Variants in CRHBP observed in about 807,000 individuals in gnomAD.
The protein encoded by CRHBP is corticotropin-releasing hormone-binding protein.
Under a neutral mutation model 34.9 loss-of-function variants are expected in CRHBP, and 19 were observed. That is an observed-to-expected ratio of 0.55 (90% CI 0.38 to 0.80). CRHBP has a LOEUF of 0.80. CRHBP is among the 30% of genes least tolerant of loss of function. The pLI is 0.00. For missense variants in CRHBP, 328 were observed against 409.2 expected, an observed-to-expected ratio of 0.80 and a Z score of 1.71; for synonymous variants, 154 against 153.4, an observed-to-expected ratio of 1.00 and a Z score of -0.03.
chr5:76,953,995 C>T (rs1745622318), intron 2 of CRHBP, 34 bp from the exon 3 acceptor site: 1 of 1,588,260 alleles, frequency 6.3e-7, no homozygotes, highest in Non-Finnish European at 8.6e-7. Context: ...CGGCTGCAGC[C>T]CGGGACTTAT....
At chr5:76,963,879 T>A (rs1745821020) in intron 6 of CRHBP, among the ~76,000 whole-genome samples, 2 of 152,222 alleles carry the variant, frequency 1.3e-5, no homozygotes, top group South Asian at 4.1e-4. Context: ...TATGTGTGTG[T>A]GTTACTCATA....
intron 6 of CRHBP, among the ~76,000 whole-genome samples, 195 bp from the exon 7 acceptor site, chr5:76,968,533 T>G (rs1422655303): frequency 6.6e-6 from 1 of 152,232 alleles, no homozygotes; most frequent in Non-Finnish European, 1.5e-5. Context: ...TCAATTGCAC[T>G]ATTCTATAAC....
chr5:76,973,475 C>T (rs546974934), downstream of CRHBP, among the ~76,000 whole-genome samples: 3 of 152,200 alleles, frequency 2.0e-5, no homozygotes, highest in Admixed American at 6.5e-5. Flanking sequence ...GTTCACAAAC[C>T]CCTGAAGAGC....
At chr5:76,957,002 A>C (rs940078925) in intron 4 of CRHBP, among the ~76,000 whole-genome samples, 1 of 152,116 alleles carries the variant, frequency 6.6e-6, no homozygotes, top group African/African-American at 2.4e-5. Context: ...GAATTCTAGA[A>C]GACAAAATAA....
chr5:76,959,032 C>T (rs1745734520), intron 5 of CRHBP, 143 bp downstream of exon 5: 2 of 814,272 alleles, frequency 2.5e-6, no homozygotes, highest in African/African-American at 1.8e-5. Context: ...AATGTGTTTG[C>T]CCTAGCTGCT....
intron 3 of CRHBP, among the ~76,000 whole-genome samples, chr5:76,978,180 T>C (rs1746067926): frequency 6.6e-6 from 1 of 151,966 alleles, no homozygotes; most frequent in Non-Finnish European, 1.5e-5. Context: ...CAAGTGCTGA[T>C]GTAGAAGCTG....
At chr5:76,977,650 G>A (rs1746059655) in intron 3 of CRHBP, among the ~76,000 whole-genome samples, 2 of 151,944 alleles carry the variant, frequency 1.3e-5, no homozygotes, top group Admixed American at 6.6e-5. Flanking sequence ...CTCTTGCCTC[G>A]GGCCTCCTTA....
At position 76,953,404 on chromosome 5, in the gene CRHBP, G is replaced by A. The variant is rs139163416; in HGVS notation, c.81+189G>A. 5.9e-4 allele frequency: 492 copies of A among 827,088 alleles called. 2 individuals carry two copies. In the African/African-American group the frequency reaches 7.4e-3, roughly 13 times the overall value. 51.2% of individuals were successfully genotyped at this position (827,088 alleles called of 1,614,324 possible). Reference sequence around the variant, plus strand: ...TCTGAGCATCCCAGACTGCCTGCCTGCCTTCCTCTGGCCGCTGGGGATACC... The same window carrying A: ...TCTGAGCATCCCAGACTGCCTGCCTACCTTCCTCTGGCCGCTGGGGATACC... On this transcript the variant is annotated intron_variant, in intron 1 of 6. Transcript: ENST00000274368.
intron 1 of CRHBP, 21 bp from the exon 2 acceptor site, chr5:76,953,580 C>T: frequency 2.5e-6 from 4 of 1,608,194 alleles, no homozygotes; most frequent in Non-Finnish European, 3.4e-6. Flanking sequence ...CTTTTCCGGA[C>T]TGACCTATGT....
chr5:76,968,704 T>A, intron 6 of CRHBP, 24 bp from the exon 7 acceptor site: 1 of 1,584,974 alleles, frequency 6.3e-7, no homozygotes, highest in Non-Finnish European at 8.6e-7. Context: ...GCTGGGAAAC[T>A]TTTATCTTTT....
At chr5:76,979,592 G>T (rs879870118) in intron 3 of CRHBP, among the ~76,000 whole-genome samples, 1 of 151,046 alleles carries the variant, frequency 6.6e-6, no homozygotes, top group Non-Finnish European at 1.5e-5. Flanking sequence ...CTCATGATCC[G>T]CCTGTCTCAG....
intron 6 of CRHBP, among the ~76,000 whole-genome samples, chr5:76,963,831 GATA>G (rs1163641227): frequency 2.6e-5 from 4 of 152,002 alleles, no homozygotes; most frequent in Non-Finnish European, 4.4e-5. Context: ...TTAGTAATAG[GATA>G]ATAATGAAAT....
At position 76,958,764 on chromosome 5, in the gene CRHBP, C is replaced by A; in HGVS notation, c.568C>A (p.Pro190Thr). ...AGCTTGCAATGTCATTTCTCAGACT[C>A]CAAATGGAAAGTTTACCCTGGTAGT... ...LFPCNVISQT[P>T]NGKFTLVVPH... is the part of the protein sequence containing the mutation. The change falls in exon 5 of 7, where the codon CCA (proline) becomes ACA (threonine). Residue 190 changes from proline to threonine, a missense_variant. By Grantham distance (38) the Pro-to-Thr change is conservative. This residue lies in a region of CRHBP where 144 missense variants were observed against 216.7 expected (regional missense o/e 0.66). Coordinates refer to ENST00000274368, the MANE Select transcript of CRHBP (RefSeq NM_001882.4). 6.2e-7 allele frequency: 1 copy of A among 1,611,510 alleles called. No individual in the cohort carries two copies. The highest frequency in any genetic ancestry group is 8.5e-7 in the Non-Finnish European group (1 of 1,179,388).
chr5:76,972,448 C>T (rs1379896616), downstream of CRHBP, among the ~76,000 whole-genome samples: 4 of 151,856 alleles, frequency 2.6e-5, no homozygotes, highest in Non-Finnish European at 4.4e-5. Context: ...TGCAGTGAGC[C>T]GAGATCATGC....
chr5:76,975,845 T>TATATATATATATATATATATAC (rs1237085128), intron 2 of CRHBP, among the ~76,000 whole-genome samples: 4 of 97,640 alleles, frequency 4.1e-5, no homozygotes, highest in Non-Finnish European at 7.3e-5. Context: ...TATATATATA[T>TATATATATATATATATATATAC]ACACGCATAT....
intron 2 of CRHBP, 143 bp from the exon 3 acceptor site, chr5:76,953,886 G>T: frequency 8.2e-7 from 1 of 1,216,486 alleles, no homozygotes; most frequent in Non-Finnish European, 1.1e-6. Context: ...CCGGGGCGCA[G>T]GAACCCAGCG....
At chr5:76,972,153 C>T (rs1298522281), downstream of CRHBP, among the ~76,000 whole-genome samples, 1 of 151,938 alleles carries the variant, frequency 6.6e-6, no homozygotes, top group Non-Finnish European at 1.5e-5. Flanking sequence ...TCACCTCAGC[C>T]TCCCAAGTAT....
At chr5:76,956,679 G>A (rs925489905) in intron 4 of CRHBP, among the ~76,000 whole-genome samples, 6 of 151,578 alleles carry the variant, frequency 4.0e-5, no homozygotes, top group Admixed American at 2.0e-4. Flanking sequence ...AGCTGAGATC[G>A]CGCCACTGCG....
chr5:76,971,748 G>T (rs1354314086), downstream of CRHBP, among the ~76,000 whole-genome samples: 1 of 152,140 alleles, frequency 6.6e-6, no homozygotes, highest in Non-Finnish European at 1.5e-5. Flanking sequence ...CTGACGTTCT[G>T]GTCATGAGCA....
Sources: allele counts gnomAD v4.1 joint callset (sites outside exome capture counted in the v4.1 genomes callset), GRCh38; gene constraint gnomAD v4.1.1; regional missense constraint gnomAD v4.1.1; transcripts MANE v1.5; gene names NCBI Gene and HGNC (gene_info 2026-07-23, HGNC 2026-07-21).